PAX3: variants seen among roughly 807,000 people sequenced by gnomAD.
PAX3 encodes the protein paired box protein Pax-3.
PAX3 carries 14 observed loss-of-function variants against 51.6 expected under a neutral mutation model. The observed-to-expected ratio is 0.27, with a 90% confidence interval of 0.18 to 0.42. The LOEUF (loss-of-function observed/expected upper bound fraction) is 0.42. Ranked by LOEUF, PAX3 falls within the 10% of genes least tolerant of loss-of-function variation. The pLI is 1.00. For synonymous variants in PAX3, 280 were observed against 253.4 expected (o/e 1.11, Z -1.00); for missense variants, 540 against 642.8 (o/e 0.84, Z 1.73).
intron 4 of PAX3, among the ~76,000 whole-genome samples, chr2:222,289,607 T>C (rs537092664): frequency 6.6e-6 from 1 of 152,240 alleles, no homozygotes; most frequent in South Asian, 2.1e-4. Flanking sequence ...AAAATAAACA[T>C]ACGATTTCAA....
chr2:222,279,545 A>G (rs1694562527), intron 4 of PAX3, among the ~76,000 whole-genome samples: 2 of 152,170 alleles, frequency 1.3e-5, no homozygotes, highest in African/African-American at 4.8e-5. Context: ...TGCCTGTGAA[A>G]AGCCTACACT....
intron 4 of PAX3, among the ~76,000 whole-genome samples, chr2:222,248,085 AT>A (rs972418006): frequency 8.5e-5 from 13 of 152,078 alleles, no homozygotes; most frequent in Non-Finnish European, 1.8e-4. Flanking sequence ...TTATTCACAA[AT>A]TTTTTTCACT....
chr2:222,278,913 T>C (rs2106170843), intron 4 of PAX3, among the ~76,000 whole-genome samples: 1 of 152,334 alleles, frequency 6.6e-6, no homozygotes, highest in South Asian at 2.1e-4. Context: ...GTTAAAGGCT[T>C]AACCAGTTGA....
chr2:222,281,651 A>C (rs1363991035), intron 4 of PAX3, among the ~76,000 whole-genome samples: 1 of 152,216 alleles, frequency 6.6e-6, no homozygotes, highest in Non-Finnish European at 1.5e-5. Flanking sequence ...TTCCATGTTG[A>C]TATTAATCCT....
chr2:222,257,957 TG>T (rs1242428557), intron 4 of PAX3, among the ~76,000 whole-genome samples: 2 of 152,102 alleles, frequency 1.3e-5, no homozygotes, highest in African/African-American at 4.8e-5. Flanking sequence ...CAAACCCTTC[TG>T]GGGAAAAAGG....
intron 4 of PAX3, among the ~76,000 whole-genome samples, chr2:222,273,852 A>G (rs1434461198): frequency 1.3e-5 from 2 of 152,172 alleles, no homozygotes; most frequent in Non-Finnish European, 2.9e-5. Flanking sequence ...TTCGACTAAA[A>G]CATGGCAAAT....
intron 4 of PAX3, among the ~76,000 whole-genome samples, chr2:222,274,860 C>T (rs754746217): frequency 6.6e-6 from 1 of 152,150 alleles, no homozygotes; most frequent in African/African-American, 2.4e-5. Context: ...AACAAATTCA[C>T]GCCATATCTC....
chr2:222,234,726 T>G (rs1021319776), intron 4 of PAX3, among the ~76,000 whole-genome samples: 4 of 152,186 alleles, frequency 2.6e-5, no homozygotes, highest in African/African-American at 9.7e-5. Context: ...CTAGATTAAT[T>G]CTTGTCACTC....
At chr2:222,251,395 G>T (rs1693425492) in intron 4 of PAX3, among the ~76,000 whole-genome samples, 1 of 152,006 alleles carries the variant, frequency 6.6e-6, no homozygotes, top group African/African-American at 2.4e-5. Flanking sequence ...GAGAATGATG[G>T]TTTCCACCTT....
chr2:222,281,795 T>C (rs768011802), intron 4 of PAX3, among the ~76,000 whole-genome samples: 9 of 152,200 alleles, frequency 5.9e-5, no homozygotes, highest in Non-Finnish European at 1.2e-4. Flanking sequence ...TGATTTTTCT[T>C]AGCTCTTTGT....
intron 7 of PAX3, among the ~76,000 whole-genome samples, chr2:222,206,406 C>A (rs1177578045): frequency 6.6e-6 from 1 of 151,834 alleles, no homozygotes; most frequent in African/African-American, 2.4e-5. Context: ...AAAAAAAAAT[C>A]TGTTGAGCAG....
At chr2:222,250,252 T>C (rs1025269804) in intron 4 of PAX3, among the ~76,000 whole-genome samples, 2 of 152,170 alleles carry the variant, frequency 1.3e-5, no homozygotes, top group African/African-American at 4.8e-5. Flanking sequence ...GTAGTGAATA[T>C]GTATTACTTT....
In PAX3 at chr2:222,261,477, T is replaced by C. The variant is rs961528938; in HGVS notation, c.587-29194A>G. ...CAGCATTCAAAGTTCACTGGAACTATGCAATGAAATTCTACATTAGGAGGA... is the reference window on the plus strand; with the variant it reads ...CAGCATTCAAAGTTCACTGGAACTACGCAATGAAATTCTACATTAGGAGGA... On this transcript the variant is annotated intron_variant, in intron 4 of 8. Transcript: ENST00000392070. Among the ~76,000 whole-genome samples, 17 of 152,218 alleles carry C rather than the reference T, an allele frequency of 1.1e-4. No homozygotes were observed. In the East Asian group the frequency reaches 2.7e-3, roughly 24 times the overall value.
intron 5 of PAX3, chr2:222,221,713 C>T (rs1038068185): frequency 1.4e-5 from 5 of 348,428 alleles, no homozygotes; most frequent in East Asian, 6.9e-5. Flanking sequence ...CACCCACCTA[C>T]GTGTAGACAG....
intron 4 of PAX3, chr2:222,242,782 A>G (rs1449081779): frequency 6.6e-6 from 1 of 152,220 alleles, no homozygotes; most frequent in African/African-American, 2.4e-5. Context: ...ACAGTTACCA[A>G]GAAAGAACTC....
intron 4 of PAX3, among the ~76,000 whole-genome samples, chr2:222,281,241 T>C (rs1255402375): frequency 6.6e-6 from 1 of 152,250 alleles, no homozygotes; most frequent in East Asian, 1.9e-4. Context: ...TCTTTAGAAA[T>C]GGTCTCAGAG....
intron 4 of PAX3, among the ~76,000 whole-genome samples, chr2:222,285,195 C>T (rs1394421511): frequency 3.3e-5 from 5 of 152,216 alleles, no homozygotes; most frequent in Admixed American, 2.6e-4. Flanking sequence ...TTGAGACACA[C>T]ACATGCACAC....
chr2:222,295,468 CG>C, intron 3 of PAX3, 59 bp downstream of exon 3: 1 of 1,594,064 alleles, frequency 6.3e-7, no homozygotes, highest in Non-Finnish European at 8.6e-7. Flanking sequence ...TCTGGGTCGA[CG>C]TGCCGGGGTA....
At chr2:222,246,640 T>G (rs1303408447) in intron 4 of PAX3, among the ~76,000 whole-genome samples, 1 of 152,100 alleles carries the variant, frequency 6.6e-6, no homozygotes, top group Non-Finnish European at 1.5e-5. Context: ...TATAGACAGA[T>G]CCAACTCCTT....
Sources: allele counts gnomAD v4.1 joint callset (sites outside exome capture counted in the v4.1 genomes callset), GRCh38; gene constraint gnomAD v4.1.1; transcripts MANE v1.5; gene names NCBI Gene and HGNC (gene_info 2026-07-23, HGNC 2026-07-21).